Variants in COL14A1 observed in about 807,000 individuals in gnomAD.
COL14A1 encodes collagen type XIV alpha 1 chain, also known as collagen alpha-1(XIV) chain.
In COL14A1, 136 loss-of-function variants were observed where a neutral mutation model predicts 230.3. The ratio of observed to expected loss-of-function variants is 0.59; its 90% confidence interval spans 0.51 to 0.68. The LOEUF (loss-of-function observed/expected upper bound fraction) is 0.68. COL14A1 is among the 30% of genes least tolerant of loss of function. COL14A1 has a pLI of 0.00. For missense variants in COL14A1, 1,976 were observed against 2,215.8 expected (o/e 0.89, Z 2.17); for synonymous variants, 792 against 784.1 (o/e 1.01, Z -0.17).
chr8:120,186,323 T>C (rs1354723902), intron 5 of COL14A1, among the ~76,000 whole-genome samples: 1 of 152,188 alleles, frequency 6.6e-6, no homozygotes, highest in Non-Finnish European at 1.5e-5. Context: ...TTTCTTTTGC[T>C]CTTGGTTTGG....
At chr8:120,283,811 T>A in intron 32 of COL14A1, 33 bp downstream of exon 32, 1 of 1,573,974 alleles carries the variant, frequency 6.4e-7, no homozygotes, top group Non-Finnish European at 8.6e-7. Context: ...CATTCACATA[T>A]ACATGTATGA....
At chr8:120,223,147 G>A (rs1410873690) in intron 14 of COL14A1, among the ~76,000 whole-genome samples, 1 of 152,216 alleles carries the variant, frequency 6.6e-6, no homozygotes, top group African/African-American at 2.4e-5. Flanking sequence ...ACTGGAGTAT[G>A]GCAGAAAGAA....
intron 40 of COL14A1, among the ~76,000 whole-genome samples, chr8:120,325,836 A>G (rs1187122510): frequency 6.6e-6 from 1 of 152,076 alleles, no homozygotes; most frequent in Non-Finnish European, 1.5e-5. Context: ...CTAAACACAC[A>G]TCTTAGATTA....
chr8:120,254,281 TC>T (rs1189603713), intron 22 of COL14A1, among the ~76,000 whole-genome samples: 1 of 152,166 alleles, frequency 6.6e-6, no homozygotes, highest in African/African-American at 2.4e-5. Flanking sequence ...AGAAACAATA[TC>T]TTATTGCCTC....
chr8:120,304,421 C>G (rs768199000), intron 36 of COL14A1, among the ~76,000 whole-genome samples: 4 of 151,990 alleles, frequency 2.6e-5, no homozygotes, highest in African/African-American at 4.8e-5. Flanking sequence ...TAGCTGTATC[C>G]CAGAGATTCT....
intron 1 of COL14A1, among the ~76,000 whole-genome samples, chr8:120,127,293 C>T (rs1044561657): frequency 1.3e-5 from 2 of 152,216 alleles, no homozygotes; most frequent in African/African-American, 2.4e-5. Flanking sequence ...CCCTGGGGAT[C>T]CCTGAGCCAG....
At chr8:120,299,791 C>A (rs772301035) in intron 35 of COL14A1, among the ~76,000 whole-genome samples, 3 of 152,022 alleles carry the variant, frequency 2.0e-5, no homozygotes, top group Non-Finnish European at 4.4e-5. Flanking sequence ...ATTTGCTTAA[C>A]CTTTCTTGGG....
intron 23 of COL14A1, among the ~76,000 whole-genome samples, chr8:120,260,261 T>C (rs928607007): frequency 2.0e-5 from 3 of 152,126 alleles, no homozygotes; most frequent in African/African-American, 7.2e-5. Context: ...ATAACATATA[T>C]CATGTTTATT....
intron 5 of COL14A1, among the ~76,000 whole-genome samples, chr8:120,175,441 T>C (rs113117932): frequency 0.011 from 1,670 of 152,306 alleles, 23 homozygotes; most frequent in African/African-American, 0.033. Flanking sequence ...TTCTTTGTTT[T>C]GTTTTTAATG....
chr8:120,226,504 T>G lies in COL14A1; in HGVS notation c.1865-123T>G, dbSNP rs1818099163. The G allele has an allele frequency of 3.1e-6, 3 of 963,314 alleles. No individual in the cohort carries two copies. In the East Asian group the frequency reaches 7.8e-5, roughly 25 times the overall value. 59.7% of individuals were successfully genotyped at this position (963,314 alleles called of 1,614,324 possible). Reference sequence around the variant, plus strand: ...GACTGATGGGCCCCAGTTTTCCTTCTTTCCTGTGCTTTCCTAAAGCAAAAG... The same window carrying G: ...GACTGATGGGCCCCAGTTTTCCTTCGTTCCTGTGCTTTCCTAAAGCAAAAG... On this transcript the variant is annotated intron_variant, in intron 15 of 47. Transcript: ENST00000297848.
chr8:120,129,581 G>A (rs879321864), intron 1 of COL14A1, among the ~76,000 whole-genome samples: 48 of 152,150 alleles, frequency 3.2e-4, no homozygotes, highest in Non-Finnish European at 2.8e-4. Flanking sequence ...AATTCCTTGC[G>A]TTTGAGTGAT....
intron 3 of COL14A1, among the ~76,000 whole-genome samples, chr8:120,160,863 G>A (rs1389323039): frequency 1.3e-5 from 2 of 152,144 alleles, no homozygotes; most frequent in African/African-American, 2.4e-5. Context: ...TTTGGGAAAT[G>A]CTGGTTTAAA....
At chr8:120,253,619 T>C (rs1332565399) in intron 22 of COL14A1, among the ~76,000 whole-genome samples, 1 of 152,130 alleles carries the variant, frequency 6.6e-6, no homozygotes, top group East Asian at 1.9e-4. Context: ...ATCATTAACA[T>C]TGATAAAAGT....
intron 36 of COL14A1, among the ~76,000 whole-genome samples, chr8:120,303,011 G>T (rs1387028353): frequency 6.6e-6 from 1 of 152,118 alleles, no homozygotes; most frequent in African/African-American, 2.4e-5. Context: ...TTGTGGATGG[G>T]ATTGCATTCT....
chr8:120,249,745 G>A (rs1818880830), intron 21 of COL14A1, among the ~76,000 whole-genome samples: 1 of 152,174 alleles, frequency 6.6e-6, no homozygotes, highest in African/African-American at 2.4e-5. Context: ...AATACCAATA[G>A]TAGTGAGGCT....
chr8:120,249,210 G>A (rs972668767), intron 21 of COL14A1, among the ~76,000 whole-genome samples: 3 of 151,098 alleles, frequency 2.0e-5, no homozygotes, highest in Admixed American at 1.3e-4. Context: ...GAGCCACCGC[G>A]CCCGGCCTAG....
chr8:120,370,631 G>A (rs1358936143), intron 47 of COL14A1: 3 of 1,455,026 alleles, frequency 2.1e-6, no homozygotes, highest in African/African-American at 1.4e-5. Flanking sequence ...AGCCTGGATA[G>A]AGGTATATGA....
At chr8:120,325,475 C>CTGTTTGTTTGTTTGTT (rs34330810) in intron 40 of COL14A1, among the ~76,000 whole-genome samples, 4 of 150,632 alleles carry the variant, frequency 2.7e-5, no homozygotes, top group African/African-American at 9.8e-5. Context: ...AAGTGTTCTG[C>CTGTTTGTTTGTTTGTT]TGTTTGTTTG....
intron 14 of COL14A1, among the ~76,000 whole-genome samples, chr8:120,222,002 G>A (rs941797607): frequency 2.7e-5 from 4 of 147,212 alleles, no homozygotes; most frequent in African/African-American, 1.0e-4. Flanking sequence ...AACATGGGTT[G>A]TATTTTCTGT....
Sources: gnomAD v4.1 joint callset for allele counts (sites outside exome capture counted in the v4.1 genomes callset) on GRCh38, gnomAD v4.1.1 for gene constraint, MANE v1.5 for transcripts, NCBI Gene and HGNC (gene_info 2026-07-23, HGNC 2026-07-21) for gene names.